GLS: variants seen among roughly 807,000 people sequenced by gnomAD.
GLS encodes glutaminase kidney isoform, mitochondrial.
GLS carries 36 observed loss-of-function variants against 86.7 expected under a neutral mutation model. The observed-to-expected ratio is 0.42, with a 90% CI of 0.32 to 0.55. GLS has a LOEUF of 0.55. GLS is among the 20% of genes least tolerant of loss of function. The probability of loss-of-function intolerance (pLI) is 0.17; values close to 1 mark genes in which losing one functional copy is unlikely to be tolerated. For missense variants in GLS, 528 were observed against 833.4 expected (o/e 0.63, Z 4.51); for synonymous variants, 317 against 305.9 (o/e 1.04, Z -0.38).
rs953756433 is a variant in GLS, at chr2:190,912,549, G to A, written c.1038+2228G>A. 2.0e-5 allele frequency among the ~76,000 whole-genome samples: 3 copies of A among 152,020 alleles called. No homozygotes were observed. The East Asian group carries it at 5.8e-4, about 29-fold the overall frequency. On this transcript the variant is annotated intron_variant, in intron 7 of 17. Coordinates refer to ENST00000320717, the MANE Select transcript of GLS (RefSeq NM_014905.5). ...AATATTTATAAATTGGTATTGGTTT[G>A]AAATTTAGGTAATAAAACCATAGCC...
chr2:190,902,027 G>A lies in GLS; in HGVS notation c.815+1G>A. 6.3e-7 allele frequency: 1 copy of A among 1,592,232 alleles called. No individual in the cohort carries two copies. The highest frequency in any genetic ancestry group is 8.6e-7 in the Non-Finnish European group (1 of 1,160,256). On this transcript the variant is annotated splice_donor_variant, in intron 5 of 17. Transcript: ENST00000320717. LOFTEE classifies it high-confidence loss of function. The stretch of plus-strand genomic sequence containing the variant: ...CTGTTTGTACAGTAGATGGACAGAG[G>A]TAAGTTTATTTCAAATTCATGAAAA...
intron 12 of GLS, among the ~76,000 whole-genome samples, chr2:190,929,659 G>A (rs755230344): frequency 2.6e-5 from 4 of 151,768 alleles, no homozygotes; most frequent in Admixed American, 6.6e-5. Context: ...TTGTGGAGAC[G>A]GAGTTTTGCC....
intron 7 of GLS, among the ~76,000 whole-genome samples, chr2:190,916,774 T>C (rs1689547662): frequency 6.6e-6 from 1 of 152,188 alleles, no homozygotes; most frequent in African/African-American, 2.4e-5. Flanking sequence ...AAGCAAGTCA[T>C]ACCAATTTTT....
chr2:190,886,849 G>A (rs1688398248), intron 1 of GLS, among the ~76,000 whole-genome samples: 1 of 151,760 alleles, frequency 6.6e-6, no homozygotes, highest in Non-Finnish European at 1.5e-5. Context: ...CCAGGAGGTG[G>A]AGGTTGCAGT....
At position 190,908,017 on chromosome 2, in the gene GLS, G is replaced by A. The variant is rs980148844; in HGVS notation, c.980-2246G>A. Among the ~76,000 whole-genome samples, 3 of 152,290 alleles carry A rather than the reference G, an allele frequency of 2.0e-5. 1 individual carries two copies. Among genetic ancestry groups the A allele is most frequent in the Middle Eastern group, 6.8e-3 (2 of 294 alleles). The stretch of plus-strand genomic sequence containing the variant: ...GATGACAGGACTGAATTGATAGGAT[G>A]AATTGTGGATGGTTGGGAAGAATGT... On this transcript the variant is annotated intron_variant, in intron 6 of 17. Coordinates refer to ENST00000320717, the MANE Select transcript of GLS (RefSeq NM_014905.5).
At chr2:190,923,887 T>C in intron 9 of GLS, 30 bp from the exon 10 acceptor site, 1 of 1,391,328 alleles carries the variant, frequency 7.2e-7, no homozygotes, top group Non-Finnish European at 1.0e-6. Flanking sequence ...AGAAAGTACA[T>C]AGAGCAAATG....
chr2:190,891,151 C>T (rs561416055), intron 1 of GLS, among the ~76,000 whole-genome samples: 1 of 151,992 alleles, frequency 6.6e-6, no homozygotes, highest in Non-Finnish European at 1.5e-5. Context: ...TTGATTTCCC[C>T]TACCGATTAA....
rs566557095 is a variant in GLS, at chr2:190,923,305, C to T, written c.1131-612C>T. On this transcript the variant is annotated intron_variant, in intron 9 of 17. Coordinates refer to ENST00000320717, the MANE Select transcript of GLS (RefSeq NM_014905.5). ...GTTTTGATAATTTGGTCCCAGTCTC[C>T]TTTGTTTGTTTGATGTTTTCCCACT... is the stretch of plus-strand genomic sequence containing the variant. 2.4e-4 allele frequency among the ~76,000 whole-genome samples: 37 copies of T among 152,242 alleles called. 1 individual carries two copies. Among genetic ancestry groups the T allele is most frequent in the African/African-American group, 8.7e-4 (36 of 41,556 alleles).
rs995839809 is a variant in GLS, at chr2:190,895,488, T to G, written c.484-116T>G. On this transcript the variant is annotated intron_variant, in intron 2 of 17. Coordinates refer to ENST00000320717, the MANE Select transcript of GLS (RefSeq NM_014905.5). The surrounding 1 kb of genome is among the most constrained non-coding windows in gnomAD (Gnocchi z 4.2). ...TAATAGTGACACTAAGATGCCATAT[T>G]CATGTTCAAGTGTTGGGTAGAAGTT... 8.8e-6 allele frequency: 6 copies of G among 683,920 alleles called. No homozygotes were observed. The Admixed American group carries it at 1.6e-4, about 18-fold the overall frequency. The allele number at this position is 683,920 out of a possible 1,614,324, so 42.4% of individuals were successfully genotyped here.
chr2:190,909,294 A>G (rs556033538), intron 6 of GLS, among the ~76,000 whole-genome samples: 1 of 152,322 alleles, frequency 6.6e-6, no homozygotes, highest in African/African-American at 2.4e-5. Context: ...AAAGTAACAT[A>G]CATTACTTCA....
At position 190,891,710 on chromosome 2, in the gene GLS, G is replaced by A. The variant is rs545660030; in HGVS notation, c.387-3442G>A. Among the ~76,000 whole-genome samples, 10 of 152,154 alleles carry A rather than the reference G, an allele frequency of 6.6e-5. 1 individual carries two copies. The South Asian group carries it at 2.1e-3, about 32-fold the overall frequency. ...AGTTGGCCCTGCATTTAAACTTAATGTAGATTTTGGAAGGTAGTCTCCTCA... is the reference window on the plus strand; with the variant it reads ...AGTTGGCCCTGCATTTAAACTTAATATAGATTTTGGAAGGTAGTCTCCTCA... On this transcript the variant is annotated intron_variant, in intron 1 of 17. Transcript: ENST00000320717.
chr2:190,911,811 T>C (rs1247197700), intron 7 of GLS, among the ~76,000 whole-genome samples: 1 of 152,118 alleles, frequency 6.6e-6, no homozygotes, highest in Non-Finnish European at 1.5e-5. Context: ...ACATAAACTT[T>C]CAGGTGTTCA....
rs563250095 is a variant in GLS at position 190,938,239 on chromosome 2, GA to G, written c.1650+6603del. Among the ~76,000 whole-genome samples, 426 of 151,430 alleles carry G rather than the reference GA, an allele frequency of 2.8e-3. 2 individuals are homozygous for G. The highest frequency in any genetic ancestry group is 9.5e-3 in the African/African-American group (392 of 41,442). On this transcript the variant is annotated intron_variant, in intron 14 of 17. Transcript: ENST00000320717. The surrounding 1 kb of genome is among the most constrained non-coding windows in gnomAD (Gnocchi z 4.1). The stretch of plus-strand genomic sequence containing the variant: ...AACACTTTCAGGCCTTAAAACCACA[GA>G]TAATTAAAATTATCTATTTGGAAGG...
At chr2:190,883,262 A>G (rs1388422454) in intron 1 of GLS, among the ~76,000 whole-genome samples, 1 of 152,298 alleles carries the variant, frequency 6.6e-6, no homozygotes, top group East Asian at 1.9e-4. Flanking sequence ...TTCCTTAATG[A>G]TCTGGTTTCC....
intron 14 of GLS, among the ~76,000 whole-genome samples, chr2:190,936,319 A>G (rs1040626938): frequency 8.6e-5 from 13 of 151,090 alleles, no homozygotes; most frequent in South Asian, 6.2e-4. Context: ...ATTTATATAT[A>G]ATGTGTGGGT....
At chr2:190,919,836 C>A (rs539235649) in intron 7 of GLS, 43 of 265,056 alleles carry the variant, frequency 1.6e-4, no homozygotes, top group African/African-American at 8.7e-4. Context: ...ATTAAATTAT[C>A]CTTAATCTTG....
intron 1 of GLS, among the ~76,000 whole-genome samples, chr2:190,890,094 G>A (rs940664906): frequency 4.6e-5 from 7 of 152,042 alleles, no homozygotes; most frequent in African/African-American, 1.4e-4. Context: ...TTCTGGTCCA[G>A]CCACTTAAGA....
At chr2:190,960,002 T>TA (rs1365025873) in intron 17 of GLS, among the ~76,000 whole-genome samples, 5 of 152,094 alleles carry the variant, frequency 3.3e-5, no homozygotes, top group African/African-American at 1.2e-4. Flanking sequence ...GTGGGAAAAA[T>TA]ATGCCTAGAA....
intron 6 of GLS, among the ~76,000 whole-genome samples, chr2:190,906,856 T>C (rs1689155421): frequency 6.6e-6 from 1 of 152,078 alleles, no homozygotes; most frequent in South Asian, 2.1e-4. Context: ...AATATATTAC[T>C]GTTACACCAG....
Sources: allele counts gnomAD v4.1 joint callset (sites outside exome capture counted in the v4.1 genomes callset), GRCh38; gene constraint gnomAD v4.1.1; non-coding constraint Gnocchi (gnomAD v3.1); transcripts MANE v1.5; gene names NCBI Gene and HGNC (gene_info 2026-07-23, HGNC 2026-07-21).